The following PLPBP variants were observed in gnomAD, a reference collection of about 807,000 sequenced individuals.
The protein encoded by PLPBP is pyridoxal phosphate homeostasis protein.
PLPBP carries 21 observed loss-of-function variants against 31.2 expected under a neutral mutation model. The ratio of observed to expected loss-of-function variants is 0.67; its 90% confidence interval spans 0.48 to 0.97. PLPBP has a LOEUF of 0.97. PLPBP is among the 50% of genes least tolerant of loss of function. The probability of loss-of-function intolerance (pLI) is 0.00; values close to 1 mark genes in which losing one functional copy is unlikely to be tolerated. For synonymous variants in PLPBP, 124 were observed against 135.6 expected (o/e 0.91, Z 0.59); for missense variants, 308 against 354.4 (o/e 0.87, Z 1.05).
At chr8:37,764,541 G>A (rs551790139) in intron 1 of PLPBP, among the ~76,000 whole-genome samples, 4 of 152,254 alleles carry the variant, frequency 2.6e-5, no homozygotes, top group Non-Finnish European at 5.9e-5. Context: ...GGCTGGTCTC[G>A]AACTCGTAAC....
At chr8:37,764,540 C>T (rs375431115) in intron 1 of PLPBP, among the ~76,000 whole-genome samples, 9 of 152,162 alleles carry the variant, frequency 5.9e-5, no homozygotes, top group Non-Finnish European at 1.2e-4. Flanking sequence ...AGGCTGGTCT[C>T]GAACTCGTAA....
rs543521479 is a variant in PLPBP at position 37,767,022 on chromosome 8, A to G, written c.319+667A>G. On this transcript the variant is annotated intron_variant, in intron 4 of 7. Coordinates refer to ENST00000328195, the MANE Select transcript of PLPBP (RefSeq NM_007198.4). ...AGATCACGCCACTGCACTCCAGACT[A>G]GGTAACAGAGCAAGACTTCATCCCA... Among the ~76,000 whole-genome samples, 87 of 134,322 alleles carry G rather than the reference A, an allele frequency of 6.5e-4. 2 individuals are homozygous for G. In the South Asian group the frequency reaches 0.015, roughly 24 times the overall value. 88.1% of individuals were successfully genotyped at this position (134,322 alleles called of 152,430 possible).
chr8:37,772,130 T>G (rs1277993500), intron 4 of PLPBP, among the ~76,000 whole-genome samples: 1 of 149,874 alleles, frequency 6.7e-6, no homozygotes, highest in Non-Finnish European at 1.5e-5. Context: ...TAATATCCAT[T>G]AACGAGGAAT....
intron 7 of PLPBP, 25 bp downstream of exon 7, chr8:37,776,041 C>G (rs769191827): frequency 6.3e-7 from 1 of 1,597,444 alleles, no homozygotes; most frequent in East Asian, 2.2e-5. Flanking sequence ...AGTGCCCTGT[C>G]TGCCTCGAGG....
intron 4 of PLPBP, among the ~76,000 whole-genome samples, chr8:37,771,797 C>A (rs547509996): frequency 1.3e-5 from 2 of 152,032 alleles, no homozygotes; most frequent in Admixed American, 6.5e-5. Flanking sequence ...CCATCTCTAC[C>A]AACAATACAA....
intron 7 of PLPBP, among the ~76,000 whole-genome samples, chr8:37,776,644 T>G (rs1244687358): frequency 6.6e-6 from 1 of 152,058 alleles, no homozygotes; most frequent in African/African-American, 2.4e-5. Context: ...CATAATTCCA[T>G]AAGTGTAGTC....
rs780857882 is a variant in PLPBP at position 37,762,699 on chromosome 8, G to C, written c.40G>C (p.Gly14Arg). 39 of 1,591,164 alleles carry C rather than the reference G, an allele frequency of 2.5e-5. No homozygotes were observed. The highest frequency in any genetic ancestry group is 4.5e-5 in the East Asian group (2 of 44,212). Reference protein sequence around the residue: ...AGSMSAELGVGCALRAVNERV... With the variant: ...AGSMSAELGVRCALRAVNERV... ...CAGCATGTCGGCCGAGCTGGGAGTC[G>C]GGTGCGCATTGCGGGCGGTGAACGA... Residue 14 changes from glycine to arginine, a missense_variant, in exon 1 of 8, where the codon GGG becomes CGG. Gly to Arg is a moderately radical substitution (Grantham distance 125). Transcript: ENST00000328195.
intron 1 of PLPBP, among the ~76,000 whole-genome samples, chr8:37,764,248 A>G: frequency 6.6e-6 from 1 of 150,904 alleles, no homozygotes; most frequent in South Asian, 2.1e-4. Context: ...GATTACAGGC[A>G]CACACCACCA....
intron 1 of PLPBP, among the ~76,000 whole-genome samples, chr8:37,763,671 ACT>A (rs1803543775): frequency 6.6e-6 from 1 of 151,694 alleles, no homozygotes; most frequent in Non-Finnish European, 1.5e-5. Context: ...TCTCAGGGAA[ACT>A]CTCAGGCAGA....
chr8:37,766,223 G>A, intron 3 of PLPBP, 57 bp from the exon 4 acceptor site: 1 of 1,376,880 alleles, frequency 7.3e-7, no homozygotes, highest in Non-Finnish European at 1.0e-6. Context: ...CGAGGCGTTT[G>A]AGCCAGCAAG....
At chr8:37,771,008 T>C (rs1226490046) in intron 4 of PLPBP, among the ~76,000 whole-genome samples, 1 of 152,222 alleles carries the variant, frequency 6.6e-6, no homozygotes, top group Non-Finnish European at 1.5e-5. Flanking sequence ...GTTATACTCA[T>C]TCAACCTCAC....
chr8:37,763,709 T>C (rs544243270), intron 1 of PLPBP, among the ~76,000 whole-genome samples: 7 of 152,290 alleles, frequency 4.6e-5, no homozygotes, highest in African/African-American at 1.4e-4. Context: ...GGTAACTCTC[T>C]GGAAAGCGTC....
intron 1 of PLPBP, among the ~76,000 whole-genome samples, chr8:37,764,525 T>C (rs1331141502): frequency 6.6e-6 from 1 of 152,190 alleles, no homozygotes; most frequent in African/African-American, 2.4e-5. Flanking sequence ...TTTCACCTTT[T>C]GGCCAGGCTG....
chr8:37,767,495 A>G (rs1024437421), intron 4 of PLPBP, among the ~76,000 whole-genome samples: 3 of 152,220 alleles, frequency 2.0e-5, no homozygotes, highest in African/African-American at 7.2e-5. Context: ...GTGATTCATC[A>G]TGTTCATACC....
At chr8:37,776,113 A>G (rs940149959) in intron 7 of PLPBP, 97 bp downstream of exon 7, 12 of 1,183,630 alleles carry the variant, frequency 1.0e-5, no homozygotes, top group East Asian at 4.7e-5. Flanking sequence ...GAAGCCTTGG[A>G]AATGCCTTGG....
At chr8:37,768,180 T>C (rs1055508958) in intron 4 of PLPBP, among the ~76,000 whole-genome samples, 1 of 152,216 alleles carries the variant, frequency 6.6e-6, no homozygotes, top group African/African-American at 2.4e-5. Context: ...TCTATTAATC[T>C]TATTATATGT....
intron 4 of PLPBP, among the ~76,000 whole-genome samples, chr8:37,767,204 C>G (rs552197174): frequency 2.0e-5 from 3 of 152,104 alleles, no homozygotes; most frequent in East Asian, 1.9e-4. Flanking sequence ...AAGTGACTTA[C>G]AATACATTGC....
intron 1 of PLPBP, 92 bp from the exon 2 acceptor site, chr8:37,765,434 A>T: frequency 8.3e-7 from 1 of 1,211,474 alleles, no homozygotes; most frequent in East Asian, 2.3e-5. Context: ...AGTTGAGATC[A>T]ATGCCTGTCT....
intron 7 of PLPBP, among the ~76,000 whole-genome samples, chr8:37,776,830 G>A (rs1017034498): frequency 3.3e-5 from 5 of 151,972 alleles, no homozygotes; most frequent in South Asian, 2.1e-4. Flanking sequence ...GCAGTGGCGC[G>A]ATCTCAGCTC....
Sources: allele counts gnomAD v4.1 joint callset (sites outside exome capture counted in the v4.1 genomes callset), GRCh38; gene constraint gnomAD v4.1.1; transcripts MANE v1.5; gene names NCBI Gene and HGNC (gene_info 2026-07-23, HGNC 2026-07-21).